Variants in SEZ6 observed in about 807,000 individuals in gnomAD.
SEZ6 encodes the protein seizure protein 6 homolog.
SEZ6 carries 53 observed loss-of-function variants against 101.0 expected under a neutral mutation model. That is an observed-to-expected ratio of 0.52 (90% CI 0.42 to 0.66). SEZ6 has a LOEUF of 0.66. SEZ6 is among the 30% of genes least tolerant of loss of function. The pLI is 0.00. For synonymous variants in SEZ6, 488 were observed against 512.2 expected, an observed-to-expected ratio of 0.95 and a Z score of 0.64; for missense variants, 1,102 against 1,289.4, an observed-to-expected ratio of 0.85 and a Z score of 2.23.
rs58063439 is a variant in SEZ6 at position 29,005,078 on chromosome 17, G to GGTGTGTGT, written c.55+729_55+736dup. 6.0e-3 allele frequency among the ~76,000 whole-genome samples: 823 copies of GGTGTGTGT among 137,742 alleles called. 6 individuals are homozygous for GGTGTGTGT. Among genetic ancestry groups the GGTGTGTGT allele is most frequent in the South Asian group, 5.8e-3 (23 of 3,978 alleles). The allele number at this position is 137,742 out of a possible 152,430, so 90.4% of individuals were successfully genotyped here. ...GGAGGGAGGCAGAGCTCGGGGCAGT[G>GGTGTGTGT]GTGTGTGTGTGTGTGTGTGTGTGTG... On this transcript the variant is annotated intron_variant, in intron 1 of 16. Coordinates refer to ENST00000317338, the MANE Select transcript of SEZ6 (RefSeq NM_178860.5). The surrounding 1 kb of genome is among the most constrained non-coding windows in gnomAD (Gnocchi z 4.8).
At chr17:28,990,004 G>A (rs1044190905) in intron 1 of SEZ6, among the ~76,000 whole-genome samples, 2 of 152,064 alleles carry the variant, frequency 1.3e-5, no homozygotes, top group Non-Finnish European at 2.9e-5. Context: ...TCTGGGAGGC[G>A]GAGGTTGCAG....
chr17:28,992,798 C>T (rs993713410), intron 1 of SEZ6, among the ~76,000 whole-genome samples: 6 of 152,244 alleles, frequency 3.9e-5, no homozygotes, highest in South Asian at 2.1e-4. Context: ...CTAACTGCCA[C>T]GTTCTCTGCT....
At chr17:28,967,846 G>C (rs899638348) in intron 4 of SEZ6, among the ~76,000 whole-genome samples, 2 of 152,196 alleles carry the variant, frequency 1.3e-5, no homozygotes, top group African/African-American at 4.8e-5. Context: ...TTCCCAGGAT[G>C]AGCTTCCTCC....
At chr17:28,995,355 G>C (rs867446574) in intron 1 of SEZ6, among the ~76,000 whole-genome samples, 1 of 151,946 alleles carries the variant, frequency 6.6e-6, no homozygotes, top group Non-Finnish European at 1.5e-5. Context: ...TGTGGGGGGG[G>C]GTGCATTAGG....
At chr17:29,004,710 G>A (rs531699915) in intron 1 of SEZ6, among the ~76,000 whole-genome samples, 100 of 152,258 alleles carry the variant, frequency 6.6e-4, no homozygotes, top group Admixed American at 2.7e-3. Context: ...CATATGGCAA[G>A]GGATGGCAGG....
At chr17:28,986,205 A>G (rs549818171) in intron 1 of SEZ6, among the ~76,000 whole-genome samples, 1 of 152,248 alleles carries the variant, frequency 6.6e-6, no homozygotes, top group Non-Finnish European at 1.5e-5. Context: ...CTAATGAGCC[A>G]TTCAGGATGC....
chr17:28,988,092 G>T (rs1053559050), intron 1 of SEZ6, among the ~76,000 whole-genome samples: 5 of 152,224 alleles, frequency 3.3e-5, no homozygotes, highest in Non-Finnish European at 7.3e-5. Flanking sequence ...ACACTCAAAA[G>T]GAACTTCTCA....
Position 29,005,941 on chromosome 17 carries a change from C to G in SEZ6, c.-72G>C. On this transcript the variant is annotated 5_prime_UTR_variant, in exon 1 of 17. Transcript: ENST00000317338. This position sits in a 1 kb window ranked among gnomAD's most constrained non-coding sequence, Gnocchi z 4.8. The stretch of plus-strand genomic sequence containing the variant: ...CGGGGGGCTTGGTGGGGCTTGGGCG[C>G]GGGGGCAGAGCCGGGTCCGGCCGGG... 1 of 1,270,918 alleles carries G rather than the reference C, an allele frequency of 7.9e-7. No homozygotes were observed. The highest frequency in any genetic ancestry group is 1.0e-6 in the Non-Finnish European group (1 of 985,746). 78.7% of individuals were successfully genotyped at this position (1,270,918 alleles called of 1,614,324 possible).
chr17:28,974,409 A>G (rs2041193585), intron 3 of SEZ6, among the ~76,000 whole-genome samples: 1 of 152,160 alleles, frequency 6.6e-6, no homozygotes, highest in South Asian at 2.1e-4. Flanking sequence ...CCTAGGCGCC[A>G]CCACCACCCT....
chr17:28,993,939 A>G (rs979767152), intron 1 of SEZ6, among the ~76,000 whole-genome samples: 2 of 152,248 alleles, frequency 1.3e-5, no homozygotes, highest in Admixed American at 6.5e-5. Flanking sequence ...CACCAGGACC[A>G]AAGTTACCTC....
At chr17:28,965,045 A>C (rs145756126) in intron 4 of SEZ6, among the ~76,000 whole-genome samples, 1,454 of 143,878 alleles carry the variant, frequency 0.01, 20 homozygotes, top group Non-Finnish European at 0.015. Flanking sequence ...AACGAGAGCA[A>C]AACTCCATCT....
chr17:28,957,971 C>T lies in SEZ6; in HGVS notation c.2278G>A (p.Glu760Lys), dbSNP rs1301993016. 3 of 1,613,806 alleles carry T rather than the reference C, an allele frequency of 1.9e-6. No homozygotes were observed. Among genetic ancestry groups the T allele is most frequent in the East Asian group, 2.2e-5 (1 of 44,868 alleles). ...CCCCTCTGGCATGAGGGCAGGTCCT[C>T]ACTCCAAGTTAGGTCCCACTGGCAC... is the stretch of plus-strand genomic sequence containing the variant. ...LMCQWDLTWS[E>K]DLPSCQRVTS... is the part of the protein sequence containing the mutation. The change falls in exon 11 of 17, where the codon GAG (glutamate) becomes AAG (lysine). Residue 760 changes from glutamate (E) to lysine (K), a missense_variant. By Grantham distance (56) the Glu-to-Lys change is moderately conservative. Transcript: ENST00000317338.
chr17:28,956,989 T>C, intron 13 of SEZ6, 56 bp downstream of exon 13: 1 of 1,493,194 alleles, frequency 6.7e-7, no homozygotes. Context: ...TTGGACATCT[T>C]TGCCAGAGCA....
rs544238997 is a variant in SEZ6 at position 28,965,127 on chromosome 17, G to A, written c.1055-980C>T. Among the ~76,000 whole-genome samples, 577 of 152,158 alleles carry A rather than the reference G, an allele frequency of 3.8e-3. 3 individuals are homozygous for A. Among genetic ancestry groups the A allele is most frequent in the Non-Finnish European group, 6.2e-3 (420 of 68,010 alleles). ...AGCACTTTGGGAGGCCGAAGTGGGC[G>A]GATCACCTGAGGTCAGGAGGTCGAG... On this transcript the variant is annotated intron_variant, in intron 4 of 16. Transcript: ENST00000317338.
chr17:28,983,190 G>C (rs1432319747), intron 1 of SEZ6, among the ~76,000 whole-genome samples: 1 of 152,228 alleles, frequency 6.6e-6, no homozygotes, highest in East Asian at 1.9e-4. Flanking sequence ...CTGAAGCTCA[G>C]TTTTCTCATC....
intron 1 of SEZ6, among the ~76,000 whole-genome samples, chr17:28,998,569 T>G (rs1249705667): frequency 6.6e-6 from 1 of 152,118 alleles, no homozygotes; most frequent in African/African-American, 2.4e-5. Flanking sequence ...TTCCAGCTCT[T>G]TAATGGAACA....
intron 1 of SEZ6, among the ~76,000 whole-genome samples, chr17:28,985,109 G>A (rs1464953401): frequency 6.6e-6 from 1 of 152,210 alleles, no homozygotes; most frequent in Non-Finnish European, 1.5e-5. Context: ...TTAAACCTTC[G>A]ATGATTTGGC....
intron 3 of SEZ6, among the ~76,000 whole-genome samples, chr17:28,978,334 T>C (rs2041253981): frequency 6.6e-6 from 1 of 152,228 alleles, no homozygotes; most frequent in Non-Finnish European, 1.5e-5. Context: ...AGTCAGCGCA[T>C]GGAGTACCCA....
Position 29,005,081 on chromosome 17 carries a change from G to A in SEZ6, c.55+734C>T, listed in dbSNP as rs1011227864. On this transcript the variant is annotated intron_variant, in intron 1 of 16. Coordinates refer to ENST00000317338, the MANE Select transcript of SEZ6 (RefSeq NM_178860.5). The surrounding 1 kb of genome is among the most constrained non-coding windows in gnomAD (Gnocchi z 4.8). ...GGGAGGCAGAGCTCGGGGCAGTGGTGTGTGTGTGTGTGTGTGTGTGTGTGT... is the reference window on the plus strand; with the variant it reads ...GGGAGGCAGAGCTCGGGGCAGTGGTATGTGTGTGTGTGTGTGTGTGTGTGT... Among the ~76,000 whole-genome samples, 68 of 16,558 alleles carry A rather than the reference G, an allele frequency of 4.1e-3. No individual in the cohort carries two copies. Among genetic ancestry groups the A allele is most frequent in the Middle Eastern group, 0.019 (1 of 52 alleles). 10.9% of individuals were successfully genotyped at this position (16,558 alleles called of 152,430 possible). A position where few individuals can be genotyped will look rare whatever the true frequency, so the allele number is the denominator to read the frequency against.
Sources: gnomAD v4.1 joint callset for allele counts (sites outside exome capture counted in the v4.1 genomes callset) on GRCh38, gnomAD v4.1.1 for gene constraint, Gnocchi (gnomAD v3.1) non-coding constraint, MANE v1.5 for transcripts, NCBI Gene and HGNC (gene_info 2026-07-23, HGNC 2026-07-21) for gene names.